SPATA7: variants seen among roughly 807,000 people sequenced by gnomAD.
The protein encoded by SPATA7 is spermatogenesis-associated protein 7.
Under a neutral mutation model 51.8 loss-of-function variants are expected in SPATA7, and 43 were observed. The ratio of observed to expected loss-of-function variants is 0.83; its 90% CI spans 0.65 to 1.07. The LOEUF (loss-of-function observed/expected upper bound fraction) is 1.07, where lower values mean the gene tolerates loss of function less well. Ranked by LOEUF, SPATA7 falls within the 50% of genes least tolerant of loss-of-function variation. The probability of loss-of-function intolerance (pLI) is 0.00; values close to 1 mark genes in which losing one functional copy is unlikely to be tolerated. For synonymous variants in SPATA7, 230 were observed against 252.8 expected (o/e 0.91, Z 0.86); for missense variants, 683 against 701.3 (o/e 0.97, Z 0.30).
rs977878189 is a variant in SPATA7, at chr14:88,470,163, A to C, written c.*296A>C. 3 of 967,576 alleles carry C rather than the reference A, an allele frequency of 3.1e-6. No individual in the cohort carries two copies. In the African/African-American group the frequency reaches 5.0e-5, roughly 16 times the overall value. 59.9% of individuals were successfully genotyped at this position (967,576 alleles called of 1,614,324 possible). On this transcript the variant is annotated 3_prime_UTR_variant, in exon 5 of 5. Transcript: ENST00000556406. ...TTTTTTTAAAAAAGTAAAAAGTAAA[A>C]AAGTAGTAAACTGGATTATTCAGCA...
chr14:88,410,270 C>T (rs2076304321), intron 4 of SPATA7, among the ~76,000 whole-genome samples: 1 of 152,164 alleles, frequency 6.6e-6, no homozygotes, highest in Non-Finnish European at 1.5e-5. Context: ...AACCTGGGTG[C>T]TCCTGTATTG....
At chr14:88,407,710 AG>A (rs1235686587) in intron 4 of SPATA7, among the ~76,000 whole-genome samples, 1 of 152,144 alleles carries the variant, frequency 6.6e-6, no homozygotes, top group African/African-American at 2.4e-5. Context: ...GGTATTGCCT[AG>A]GTTTTCTTCT....
chr14:88,468,203 A>G, intron 4 of SPATA7: 4 of 1,611,980 alleles, frequency 2.5e-6, no homozygotes, highest in Middle Eastern at 1.7e-4. Context: ...ACTGGCAGAG[A>G]GTCTGCACCA....
At chr14:88,442,172 C>CTTTTTGTTTGTT (rs111871632), downstream of SPATA7, among the ~76,000 whole-genome samples, 11 of 149,352 alleles carry the variant, frequency 7.4e-5, no homozygotes, top group African/African-American at 2.5e-4. Context: ...GTCTATATGC[C>CTTTTTGTTTGTT]TGTTTGTTTG....
At chr14:88,438,595 T>C (rs2077155584), downstream of SPATA7, 1 of 677,236 alleles carries the variant, frequency 1.5e-6, no homozygotes, top group Non-Finnish European at 2.6e-6. Flanking sequence ...GTTTTGTGGA[T>C]CAGGAGTGTA....
At chr14:88,391,206 T>C (rs2075735311) in intron 1 of SPATA7, among the ~76,000 whole-genome samples, 175 bp from the exon 2 acceptor site, 1 of 152,232 alleles carries the variant, frequency 6.6e-6, no homozygotes, top group African/African-American at 2.4e-5. Flanking sequence ...AAATTACATT[T>C]AATGCTGTAA....
rs992700841 is a variant in SPATA7, at chr14:88,412,226, T to A, written c.239-4485T>A. 2.2e-3 allele frequency among the ~76,000 whole-genome samples: 309 copies of A among 141,882 alleles called. 3 individuals are homozygous for A. The highest frequency in any genetic ancestry group is 9.1e-3 in the African/African-American group (292 of 31,934). The allele number at this position is 141,882 out of a possible 152,430, so 93.1% of individuals were successfully genotyped here. A position where few individuals can be genotyped will look rare whatever the true frequency, so the allele number is the denominator to read the frequency against. ...GGTTATTTGTTTTTCTTCTTGCTTT[T>A]TTTTTTTTTTTTAAGTTCCTCATAG... is the stretch of plus-strand genomic sequence containing the variant. On this transcript the variant is annotated intron_variant, in intron 4 of 11. Transcript: ENST00000393545.
intron 1 of SPATA7, among the ~76,000 whole-genome samples, chr14:88,391,030 T>C (rs2075729840): frequency 6.6e-6 from 1 of 152,206 alleles, no homozygotes; most frequent in Non-Finnish European, 1.5e-5. Flanking sequence ...TTAGTTCTCC[T>C]AGCTCGATAC....
rs1595183381 is a variant in SPATA7 at position 88,396,257 on chromosome 14, A to G, written c.238+54A>G. The G allele has an allele frequency of 6.2e-6, 8 of 1,288,902 alleles. No homozygotes were observed. The East Asian group carries it at 9.7e-5, about 16-fold the overall frequency. 79.8% of individuals were successfully genotyped at this position (1,288,902 alleles called of 1,614,324 possible). ...TTTAAAAAAAAATTAAGGTAAATATACATAACATAAAATTTACTGTCTTAA... is the reference window on the plus strand; with the variant it reads ...TTTAAAAAAAAATTAAGGTAAATATGCATAACATAAAATTTACTGTCTTAA... On this transcript the variant is annotated intron_variant, in intron 4 of 11. Coordinates refer to ENST00000393545, the MANE Select transcript of SPATA7 (RefSeq NM_018418.5).
chr14:88,396,326 T>C (rs2075878958), intron 4 of SPATA7, 123 bp downstream of exon 4: 1 of 700,512 alleles, frequency 1.4e-6, no homozygotes, highest in South Asian at 1.7e-5. Flanking sequence ...ATTAATATTG[T>C]GGTACAATGA....
chr14:88,459,165 G>A (rs1191755520), downstream of SPATA7, among the ~76,000 whole-genome samples: 3 of 152,198 alleles, frequency 2.0e-5, no homozygotes, highest in Non-Finnish European at 4.4e-5. Context: ...TTTGGAATAA[G>A]GGCAATGTGG....
chr14:88,456,355 T>A (rs867302994), downstream of SPATA7, among the ~76,000 whole-genome samples: 3 of 152,124 alleles, frequency 2.0e-5, no homozygotes, highest in Non-Finnish European at 2.9e-5. Flanking sequence ...GTAAAAGTGT[T>A]CCTATTTCTC....
Position 88,414,612 on chromosome 14 carries a change from A to G in SPATA7, c.239-2099A>G, listed in dbSNP as rs573671127. The stretch of plus-strand genomic sequence containing the variant: ...ACTAGCTTTGGGATTAGTTCTTGTT[A>G]TTCTACTTCCTCTAGTTGCAATGTT... On this transcript the variant is annotated intron_variant, in intron 4 of 11. Transcript: ENST00000393545. 4.3e-4 allele frequency: 160 copies of G among 371,194 alleles called. 1 individual carries two copies. Among genetic ancestry groups the G allele is most frequent in the South Asian group, 3.3e-3 (157 of 47,896 alleles). 23.0% of individuals were successfully genotyped at this position (371,194 alleles called of 1,614,324 possible).
intron 4 of SPATA7, among the ~76,000 whole-genome samples, chr14:88,411,163 T>A (rs973335557): frequency 1.3e-5 from 2 of 152,118 alleles, no homozygotes; most frequent in African/African-American, 4.8e-5. Flanking sequence ...GCGGCTTTGT[T>A]TACACTGTGA....
chr14:88,426,393 C>G lies in SPATA7; in HGVS notation c.534C>G (p.Ser178=), dbSNP rs755523674. The change falls in exon 6 of 12, where the codon TCC becomes TCG. Residue 178 remains serine (S), a synonymous_variant. Coordinates refer to ENST00000393545, the MANE Select transcript of SPATA7 (RefSeq NM_018418.5). ...ITNGPEKNSS[S]SPSSVDYAAS... ...ATGGTCCTGAGAAGAACTCCAGTTC[C>G]TCCCCGTCCAGTGTGGATTATGCAG... 90 of 1,614,054 alleles carry G rather than the reference C, an allele frequency of 5.6e-5. No homozygotes were observed. Among genetic ancestry groups the G allele is most frequent in the Non-Finnish European group, 7.4e-5 (87 of 1,180,036 alleles).
At chr14:88,445,019 A>C (rs2077202018) in intron 3 of SPATA7, among the ~76,000 whole-genome samples, 1 of 152,018 alleles carries the variant, frequency 6.6e-6, no homozygotes, top group South Asian at 2.1e-4. Context: ...CAGTTCTGTG[A>C]AGAAAGTCAT....
At chr14:88,416,931 G>A in intron 5 of SPATA7, 87 bp downstream of exon 5, 1 of 1,216,516 alleles carries the variant, frequency 8.2e-7, no homozygotes, top group Non-Finnish European at 1.2e-6. Context: ...CTATAGTTTA[G>A]GGTCAGCAAA....
intron 4 of SPATA7, among the ~76,000 whole-genome samples, chr14:88,412,461 T>C (rs1427311345): frequency 6.6e-6 from 1 of 152,128 alleles, no homozygotes; most frequent in African/African-American, 2.4e-5. Flanking sequence ...GAGGAAGATG[T>C]AGGCTGTGAG....
chr14:88,421,803 G>T (rs1397119248), intron 5 of SPATA7, among the ~76,000 whole-genome samples: 8 of 152,022 alleles, frequency 5.3e-5, no homozygotes, highest in Non-Finnish European at 1.2e-4. Context: ...ACAAAAATTA[G>T]CTGGGCATGG....
Sources: gnomAD v4.1 joint callset for allele counts (sites outside exome capture counted in the v4.1 genomes callset) on GRCh38, gnomAD v4.1.1 for gene constraint, MANE v1.5 for transcripts, NCBI Gene and HGNC (gene_info 2026-07-23, HGNC 2026-07-21) for gene names.